The following MIB1 variants were observed in gnomAD, a reference collection of about 807,000 sequenced individuals.
The protein encoded by MIB1 is MIB E3 ubiquitin protein ligase 1, also known as E3 ubiquitin-protein ligase MIB1.
In MIB1, 278 loss-of-function variants were observed where a neutral mutation model predicts 124.5. The ratio of observed to expected loss-of-function variants is 2.23; its 90% confidence interval spans 2.02 to 2.47. The LOEUF (loss-of-function observed/expected upper bound fraction) is 2.47. MIB1 is among the 30% of genes most tolerant of loss of function. The pLI is 0.00. For missense variants in MIB1, 957 were observed against 1,254.4 expected, an observed-to-expected ratio of 0.76 and a Z score of 3.58; for synonymous variants, 446 against 429.4, an observed-to-expected ratio of 1.04 and a Z score of -0.48.
chr18:21,803,710 G>T, intron 9 of MIB1, 197 bp from the exon 10 acceptor site: 1 of 425,936 alleles, frequency 2.3e-6, no homozygotes, highest in Non-Finnish European at 4.2e-6. Flanking sequence ...TGAAACTTTT[G>T]TTTTTTAAAA....
intron 16 of MIB1, among the ~76,000 whole-genome samples, chr18:21,847,916 A>G (rs544550148): frequency 1.3e-5 from 2 of 152,298 alleles, no homozygotes; most frequent in African/African-American, 4.8e-5. Flanking sequence ...TACACATCTC[A>G]TTGCTTTTTT....
intron 1 of MIB1, among the ~76,000 whole-genome samples, chr18:21,716,867 A>C (rs1467445104): frequency 6.6e-6 from 1 of 151,992 alleles, no homozygotes; most frequent in East Asian, 1.9e-4. Flanking sequence ...AAAAAGCTCC[A>C]CTTAAAGGAT....
chr18:21,858,210 A>C (rs2042244773), intron 19 of MIB1, among the ~76,000 whole-genome samples: 1 of 152,234 alleles, frequency 6.6e-6, no homozygotes. Context: ...CATATGGTAC[A>C]GGAGCAGAGG....
chr18:21,707,283 C>G (rs6508561), intron 1 of MIB1, among the ~76,000 whole-genome samples: 18,276 of 152,140 alleles, frequency 0.12, 3,647 homozygotes, highest in African/African-American at 0.42. Context: ...TCTAGCTCAG[C>G]GATTGTAAAT....
intron 6 of MIB1, among the ~76,000 whole-genome samples, chr18:21,786,372 C>T (rs1241402906): frequency 1.3e-5 from 2 of 152,252 alleles, no homozygotes; most frequent in Admixed American, 1.3e-4. Context: ...GCTGGGATTA[C>T]AGGCGTGAGC....
intron 18 of MIB1, 114 bp downstream of exon 18, chr18:21,853,332 GA>G: frequency 1.4e-6 from 1 of 698,050 alleles, no homozygotes; most frequent in Non-Finnish European, 2.5e-6. Context: ...TAAAAAAGTT[GA>G]TGGGCCTCGA....
chr18:21,741,437 C>G lies in MIB1; in HGVS notation c.-147C>G. On this transcript the variant is annotated 5_prime_UTR_variant, in exon 1 of 21. Transcript: ENST00000261537. This position sits in a 1 kb window ranked among gnomAD's most constrained non-coding sequence, Gnocchi z 5.4. ...GCTCCGCGGGGACCGCGCCGCCGCCCCCGTGAGTTATTCTCACGTCCCCCG... is the reference window on the plus strand; with the variant it reads ...GCTCCGCGGGGACCGCGCCGCCGCCGCCGTGAGTTATTCTCACGTCCCCCG... 1 of 364,630 alleles carries G rather than the reference C, an allele frequency of 2.7e-6. No homozygotes were observed. The highest frequency in any genetic ancestry group is 4.5e-6 in the Non-Finnish European group (1 of 223,476). 22.6% of individuals were successfully genotyped at this position (364,630 alleles called of 1,614,324 possible). A position where few individuals can be genotyped will look rare whatever the true frequency, so the allele number is the denominator to read the frequency against.
chr18:21,758,424 T>C (rs1484630157), intron 1 of MIB1, among the ~76,000 whole-genome samples: 3 of 152,230 alleles, frequency 2.0e-5, no homozygotes, highest in Non-Finnish European at 4.4e-5. Flanking sequence ...TTTGTTACAT[T>C]TGATTTGCGG....
chr18:21,870,727 A>G lies in MIB1; in HGVS notation c.*6061A>G, dbSNP rs896468543. The G allele has an allele frequency of 7.9e-5, 12 of 152,200 alleles. No homozygotes were observed. The highest frequency in any genetic ancestry group is 1.3e-4 in the Non-Finnish European group (9 of 68,032). The allele number at this position is 152,200 out of a possible 1,614,324, so 9.4% of individuals were successfully genotyped here. The stretch of plus-strand genomic sequence containing the variant: ...TGAGAGGTCATCTAGCTCCAGTTCA[A>G]AAGATTATGTATATCTGATGTTTAA... On this transcript the variant is annotated 3_prime_UTR_variant, in exon 21 of 21. Transcript: ENST00000261537.
At chr18:21,817,354 G>A (rs914441623) in intron 11 of MIB1, among the ~76,000 whole-genome samples, 1 of 151,756 alleles carries the variant, frequency 6.6e-6, no homozygotes, top group African/African-American at 2.4e-5. Flanking sequence ...CAAACTTCTG[G>A]TCTCAAGCAA....
chr18:21,838,383 A>G lies in MIB1; in HGVS notation c.1848A>G (p.Leu616=), dbSNP rs745924072. 5.0e-5 allele frequency: 80 copies of G among 1,599,664 alleles called. No individual in the cohort carries two copies. The highest frequency in any genetic ancestry group is 6.0e-5 in the Non-Finnish European group (70 of 1,172,182). The change falls in exon 13 of 21, where the codon CTA becomes CTG. Residue 616 remains leucine (L), a synonymous_variant. Transcript: ENST00000261537. The part of the protein sequence containing the change: ...RGNPSAMRVL[L]SKLPRPWIVD... ...CTTTCAGTGCAATGCGTGTTTTACT[A>G]TCTAAATTACCAAGACCATGGATTG...
At position 21,846,941 on chromosome 18, in the gene MIB1, C is replaced by G. The variant is rs372640067; in HGVS notation, c.2212-3C>G. 6.2e-7 allele frequency: 1 copy of G among 1,611,526 alleles called. No homozygotes were observed. The highest frequency in any genetic ancestry group is 8.5e-7 in the Non-Finnish European group (1 of 1,178,584). ...AAAATCATGACTCTTTATTTTATTG[C>G]AGTTAATAATGGGACTTGGTACCCA... On this transcript the variant is annotated splice_polypyrimidine_tract_variant and splice_region_variant and intron_variant, in intron 15 of 20. Coordinates refer to ENST00000261537, the MANE Select transcript of MIB1 (RefSeq NM_020774.4).
At chr18:21,812,781 A>G (rs910197796) in intron 10 of MIB1, among the ~76,000 whole-genome samples, 7 of 152,192 alleles carry the variant, frequency 4.6e-5, no homozygotes, top group Non-Finnish European at 8.8e-5. Context: ...TCTTTGAGAT[A>G]ATCTTATAGA....
At chr18:21,773,576 C>T in intron 3 of MIB1, 48 bp from the exon 4 acceptor site, 1 of 1,157,578 alleles carries the variant, frequency 8.6e-7, no homozygotes. Flanking sequence ...GAACTAAGCT[C>T]TTCCCTCCCC....
At chr18:21,733,250 A>G (rs1033245799) in intron 1 of MIB1, among the ~76,000 whole-genome samples, 1 of 152,170 alleles carries the variant, frequency 6.6e-6, no homozygotes, top group African/African-American at 2.4e-5. Context: ...AGTTTGCTTG[A>G]TTTTAATTTT....
At chr18:21,729,131 G>C (rs1322558759) in intron 1 of MIB1, among the ~76,000 whole-genome samples, 1 of 152,154 alleles carries the variant, frequency 6.6e-6, no homozygotes, top group Non-Finnish European at 1.5e-5. Context: ...CCCACTCAAT[G>C]ACCTGCTTAT....
chr18:21,709,355 T>A (rs2040655944), intron 1 of MIB1, among the ~76,000 whole-genome samples: 1 of 149,654 alleles, frequency 6.7e-6, no homozygotes, highest in Non-Finnish European at 1.5e-5. Flanking sequence ...GCTGGTCCTG[T>A]GATGACAATA....
intron 18 of MIB1, among the ~76,000 whole-genome samples, chr18:21,856,253 A>ACAAAAAC (rs2042227085): frequency 6.6e-6 from 1 of 151,446 alleles, no homozygotes; most frequent in Non-Finnish European, 1.5e-5. Flanking sequence ...AAAACAAAAA[A>ACAAAAAC]CAAAAAACAA....
intron 11 of MIB1, among the ~76,000 whole-genome samples, chr18:21,816,425 G>A (rs892882726): frequency 1.3e-5 from 2 of 152,074 alleles, no homozygotes; most frequent in Admixed American, 6.6e-5. Flanking sequence ...CTTGTCTTTT[G>A]TGCACCTGTT....
Sources: gnomAD v4.1 joint callset for allele counts (sites outside exome capture counted in the v4.1 genomes callset) on GRCh38, gnomAD v4.1.1 for gene constraint, Gnocchi (gnomAD v3.1) non-coding constraint, MANE v1.5 for transcripts, NCBI Gene and HGNC (gene_info 2026-07-23, HGNC 2026-07-21) for gene names.